CAMTA1: variants seen among roughly 807,000 people sequenced by gnomAD.
CAMTA1 encodes calmodulin-binding transcription activator 1.
Under a neutral mutation model 170.9 loss-of-function variants are expected in CAMTA1, and 27 were observed. The ratio of observed to expected loss-of-function variants is 0.16; its 90% CI spans 0.12 to 0.22. The LOEUF is 0.22. Among genes scored for constraint, CAMTA1 ranks in the 10% least tolerant of loss-of-function variants. CAMTA1 has a pLI of 1.00. For missense variants in CAMTA1, 1,619 were observed against 2,217.2 expected, an observed-to-expected ratio of 0.73 and a Z score of 5.42; for synonymous variants, 833 against 891.5, an observed-to-expected ratio of 0.93 and a Z score of 1.17.
chr1:7,254,340 G>A (rs964108699), intron 5 of CAMTA1, among the ~76,000 whole-genome samples: 1 of 152,162 alleles, frequency 6.6e-6, no homozygotes, highest in Admixed American at 6.5e-5. Flanking sequence ...CACAGAGGCT[G>A]TTGGTTTCAT....
intron 3 of CAMTA1, among the ~76,000 whole-genome samples, chr1:7,002,669 T>G (rs998465593): frequency 1.3e-5 from 2 of 152,238 alleles, no homozygotes; most frequent in Non-Finnish European, 2.9e-5. Flanking sequence ...GTTCAGTTAC[T>G]CAACCGACAG....
chr1:7,346,573 G>C (rs747902840), intron 5 of CAMTA1, among the ~76,000 whole-genome samples: 2 of 152,184 alleles, frequency 1.3e-5, no homozygotes, highest in Non-Finnish European at 2.9e-5. Context: ...TAGGGATGGT[G>C]TCCATCATTG....
chr1:7,040,855 A>T (rs907519456), intron 3 of CAMTA1, among the ~76,000 whole-genome samples: 1 of 146,726 alleles, frequency 6.8e-6, no homozygotes, highest in Non-Finnish European at 1.5e-5. Context: ...CCTCTCGAGT[A>T]GCTGGGACCA....
chr1:7,111,885 CAAAAAAAAAAAAAAAA>C (rs66460647), intron 4 of CAMTA1, among the ~76,000 whole-genome samples: 1 of 75,664 alleles, frequency 1.3e-5, no homozygotes, highest in South Asian at 5.8e-4. Flanking sequence ...ACTCCATCTC[CAAAAAAAAAAAAAAAA>C]AAAAAAAAAA....
intron 3 of CAMTA1, among the ~76,000 whole-genome samples, chr1:6,836,379 TG>T (rs1412863678): frequency 9.9e-5 from 15 of 152,190 alleles, no homozygotes; most frequent in African/African-American, 3.6e-4. Flanking sequence ...GAATATTCTC[TG>T]TAAGGAAGGC....
chr1:7,132,433 C>T (rs940383564), intron 4 of CAMTA1, among the ~76,000 whole-genome samples: 2 of 152,162 alleles, frequency 1.3e-5, no homozygotes, highest in African/African-American at 4.8e-5. Context: ...TATCACCATG[C>T]TCGGCTGATT....
intron 2 of CAMTA1, among the ~76,000 whole-genome samples, chr1:6,823,910 A>G (rs1481998095): frequency 6.6e-6 from 1 of 152,170 alleles, no homozygotes; most frequent in Non-Finnish European, 1.5e-5. Flanking sequence ...TAAATTTTAT[A>G]GGGATTTGTG....
At position 7,692,076 on chromosome 1, in the gene CAMTA1, C is replaced by T. The variant is rs529073979; in HGVS notation, c.2914+14343C>T. 1.8e-4 allele frequency among the ~76,000 whole-genome samples: 28 copies of T among 152,220 alleles called. 1 individual carries two copies. In the South Asian group the frequency reaches 5.6e-3, roughly 30 times the overall value. On this transcript the variant is annotated intron_variant, in intron 11 of 22. Transcript: ENST00000303635. ...GCTGACTGCAGCTTTAGGATCCAGCCACCCGGATATCCTCTCTGACATCAG... is the reference window on the plus strand; with the variant it reads ...GCTGACTGCAGCTTTAGGATCCAGCTACCCGGATATCCTCTCTGACATCAG...
rs1030229092 is a variant in CAMTA1, at chr1:7,641,946, C to T, written c.664+1393C>T. The stretch of plus-strand genomic sequence containing the variant: ...CAAGCTCCTGAGCACAGCCTGCAGC[C>T]CCCCCACCCGCAGCCCCCGGCCTCT... On this transcript the variant is annotated intron_variant, in intron 7 of 22. Coordinates refer to ENST00000303635, the MANE Select transcript of CAMTA1 (RefSeq NM_015215.4). This position sits in a 1 kb window ranked among gnomAD's most constrained non-coding sequence, Gnocchi z 4.5. 5.9e-5 allele frequency among the ~76,000 whole-genome samples: 9 copies of T among 152,058 alleles called. No individual in the cohort carries two copies. Among genetic ancestry groups the T allele is most frequent in the South Asian group, 4.1e-4 (2 of 4,828 alleles).
intron 7 of CAMTA1, among the ~76,000 whole-genome samples, chr1:7,655,903 T>G (rs1558067357): frequency 1.3e-5 from 2 of 152,212 alleles, no homozygotes; most frequent in Non-Finnish European, 2.9e-5. Context: ...CTGCTGTGGT[T>G]TGAATGTTTT....
chr1:7,245,087 C>A (rs946649837), intron 4 of CAMTA1, among the ~76,000 whole-genome samples: 14 of 151,410 alleles, frequency 9.2e-5, no homozygotes, highest in Admixed American at 9.2e-4. Context: ...TATGCCTAGG[C>A]ATTTAATTTT....
intron 3 of CAMTA1, among the ~76,000 whole-genome samples, chr1:6,946,525 G>A (rs1687605391): frequency 6.6e-6 from 1 of 151,974 alleles, no homozygotes; most frequent in Non-Finnish European, 1.5e-5. Flanking sequence ...CATCCTACTG[G>A]GTATGAGGTG....
chr1:7,018,342 G>A (rs748558120), intron 3 of CAMTA1, among the ~76,000 whole-genome samples: 5 of 152,108 alleles, frequency 3.3e-5, no homozygotes, highest in South Asian at 2.1e-4. Context: ...TGAGGGACAC[G>A]GACCTACTGG....
At chr1:7,221,928 TACAC>T (rs61354001) in intron 4 of CAMTA1, among the ~76,000 whole-genome samples, 3 of 124,210 alleles carry the variant, frequency 2.4e-5, no homozygotes, top group South Asian at 2.5e-4. Flanking sequence ...CACACACACA[TACAC>T]ACACACACAC....
intron 5 of CAMTA1, among the ~76,000 whole-genome samples, chr1:7,394,882 C>CTT (rs56830110): frequency 8.2e-4 from 112 of 136,758 alleles, no homozygotes; most frequent in Admixed American, 2.4e-3. Flanking sequence ...CTTTTTTTTT[C>CTT]TTTTTTTTTT....
At chr1:6,881,600 A>C (rs1197068674) in intron 3 of CAMTA1, among the ~76,000 whole-genome samples, 1 of 152,166 alleles carries the variant, frequency 6.6e-6, no homozygotes, top group Non-Finnish European at 1.5e-5. Context: ...AGGGCTTGGC[A>C]CGGTCTTTTG....
chr1:7,645,131 C>T (rs1040964802), intron 7 of CAMTA1, among the ~76,000 whole-genome samples: 7 of 152,190 alleles, frequency 4.6e-5, no homozygotes, highest in Non-Finnish European at 1.0e-4. Context: ...GTCCTCTCCT[C>T]CCAGATTAGC....
chr1:7,712,760 A>G (rs545378440), intron 11 of CAMTA1, among the ~76,000 whole-genome samples: 2 of 152,346 alleles, frequency 1.3e-5, no homozygotes, highest in East Asian at 1.9e-4. Context: ...TAATTTGTAG[A>G]GAAAAAGAGG....
chr1:7,046,764 C>A (rs1023257856), intron 3 of CAMTA1, among the ~76,000 whole-genome samples: 1 of 152,146 alleles, frequency 6.6e-6, no homozygotes, highest in South Asian at 2.1e-4. Flanking sequence ...TGTTTAAATT[C>A]TTTGAGCCTT....
Sources: allele counts gnomAD v4.1 joint callset (sites outside exome capture counted in the v4.1 genomes callset), GRCh38; gene constraint gnomAD v4.1.1; non-coding constraint Gnocchi (gnomAD v3.1); transcripts MANE v1.5; gene names NCBI Gene and HGNC (gene_info 2026-07-23, HGNC 2026-07-21).